The following PTPRZ1 variants were observed in gnomAD, a reference collection of about 807,000 sequenced individuals.
PTPRZ1 encodes receptor-type tyrosine-protein phosphatase zeta.
Under a neutral mutation model 214.1 loss-of-function variants are expected in PTPRZ1, and 82 were observed. The observed-to-expected ratio is 0.38, with a 90% CI of 0.32 to 0.46. PTPRZ1 has a LOEUF of 0.46. Among genes scored for constraint, PTPRZ1 ranks in the 20% least tolerant of loss-of-function variants. The pLI, the probability that PTPRZ1 is intolerant of heterozygous loss-of-function variation, is 1.00. For synonymous variants in PTPRZ1, 945 were observed against 987.9 expected (o/e 0.96, Z 0.81); for missense variants, 2,603 against 2,748.7 (o/e 0.95, Z 1.19).
At chr7:122,047,657 T>TG (rs1792040632) in intron 23 of PTPRZ1, among the ~76,000 whole-genome samples, 1 of 94,262 alleles carries the variant, frequency 1.1e-5, no homozygotes, top group African/African-American at 6.7e-5. Flanking sequence ...CTTTTTTTTT[T>TG]TTTTTCTCTG....
Position 121,873,301 on chromosome 7 carries a change from C to T in PTPRZ1, c.-199C>T. 1.9e-6 allele frequency: 1 copy of T among 535,552 alleles called. No homozygotes were observed. Among genetic ancestry groups the T allele is most frequent in the East Asian group, 3.0e-5 (1 of 33,482 alleles). 33.2% of individuals were successfully genotyped at this position (535,552 alleles called of 1,614,324 possible). A position where few individuals can be genotyped will look rare whatever the true frequency, so the allele number is the denominator to read the frequency against. ...TCTCGCTGTCTCTGACTGTCTCTCT[C>T]TGTCTCTGTCTCTGTCTCTCTCTCT... On this transcript the variant is annotated 5_prime_UTR_variant, in exon 1 of 30. Transcript: ENST00000393386.
chr7:121,930,963 C>A (rs535123662), intron 2 of PTPRZ1, among the ~76,000 whole-genome samples: 4 of 152,162 alleles, frequency 2.6e-5, no homozygotes, highest in Admixed American at 2.6e-4. Context: ...CTTAGTTTTC[C>A]TGGAAAATAT....
intron 2 of PTPRZ1, among the ~76,000 whole-genome samples, chr7:121,936,548 A>G (rs1796090281): frequency 6.6e-6 from 1 of 152,192 alleles, no homozygotes; most frequent in African/African-American, 2.4e-5. Context: ...GCTTTTACAC[A>G]GGTTGTGGAG....
intron 2 of PTPRZ1, among the ~76,000 whole-genome samples, chr7:121,930,875 T>A (rs1002008671): frequency 6.6e-6 from 1 of 152,164 alleles, no homozygotes; most frequent in Non-Finnish European, 1.5e-5. Flanking sequence ...CTAATAATTA[T>A]GAGAAACATG....
At chr7:121,985,478 G>A (rs994721878) in intron 8 of PTPRZ1, among the ~76,000 whole-genome samples, 3 of 152,156 alleles carry the variant, frequency 2.0e-5, no homozygotes, top group Non-Finnish European at 2.9e-5. Flanking sequence ...ACTAGTCTTA[G>A]TGCTTAAGCC....
At chr7:121,981,472 T>G (rs750192955) in intron 6 of PTPRZ1, among the ~76,000 whole-genome samples, 6 of 152,228 alleles carry the variant, frequency 3.9e-5, no homozygotes, top group Non-Finnish European at 7.3e-5. Flanking sequence ...GCAGAGGACT[T>G]GCACTGGGCT....
chr7:121,936,390 G>A (rs780738536), intron 2 of PTPRZ1, among the ~76,000 whole-genome samples: 5 of 152,144 alleles, frequency 3.3e-5, no homozygotes, highest in Non-Finnish European at 7.4e-5. Flanking sequence ...TGTTTATCCT[G>A]TTATCTGTGA....
intron 1 of PTPRZ1, among the ~76,000 whole-genome samples, chr7:121,881,662 GC>G (rs1244121539): frequency 6.6e-6 from 1 of 152,164 alleles, no homozygotes; most frequent in Non-Finnish European, 1.5e-5. Flanking sequence ...GGCAGTTTCA[GC>G]TTCAGAGTAA....
Position 122,044,442 on chromosome 7 carries a change from T to A in PTPRZ1, c.5958T>A (p.His1986Gln), listed in dbSNP as rs1799820361. Reference protein sequence around the residue: ...VQTEEQYVFIHDTLVEAILSK... With the variant: ...VQTEEQYVFIQDTLVEAILSK... ...GCCAGGAGCAATATGTCTTCATTCA[T>A]GATACACTGGTTGAGGCCATACTTA... is the stretch of plus-strand genomic sequence containing the variant. Residue 1986 changes from histidine (H) to glutamine (Q), a missense_variant, in exon 23 of 30, where the codon CAT becomes CAA. Coordinates refer to ENST00000393386, the MANE Select transcript of PTPRZ1 (RefSeq NM_002851.3). The A allele has an allele frequency of 6.2e-7, 1 of 1,613,872 alleles. No homozygotes were observed. The highest frequency in any genetic ancestry group is 8.5e-7 in the Non-Finnish European group (1 of 1,179,768).
At chr7:121,998,309 G>A (rs1798208167) in intron 10 of PTPRZ1, among the ~76,000 whole-genome samples, 1 of 152,106 alleles carries the variant, frequency 6.6e-6, no homozygotes, top group Non-Finnish European at 1.5e-5. Flanking sequence ...TAAATGTTGA[G>A]ACTGTTATTT....
At chr7:121,889,448 A>G (rs1358741173) in intron 1 of PTPRZ1, among the ~76,000 whole-genome samples, 2 of 152,156 alleles carry the variant, frequency 1.3e-5, no homozygotes, top group African/African-American at 4.8e-5. Flanking sequence ...ACAAAATTCA[A>G]TTTTGTTGCA....
intron 25 of PTPRZ1, among the ~76,000 whole-genome samples, chr7:122,053,357 G>A (rs1336836653): frequency 2.0e-5 from 3 of 152,152 alleles, no homozygotes; most frequent in African/African-American, 7.2e-5. Flanking sequence ...AGCCAAGCAG[G>A]CTGTTCTGTA....
chr7:121,970,065 C>T (rs1004379328), intron 3 of PTPRZ1, among the ~76,000 whole-genome samples: 14 of 149,840 alleles, frequency 9.3e-5, no homozygotes, highest in Non-Finnish European at 1.8e-4. Context: ...GGTTTTTTGT[C>T]CTTGCGATAG....
intron 10 of PTPRZ1, among the ~76,000 whole-genome samples, chr7:122,004,336 C>A (rs977920917): frequency 6.6e-6 from 1 of 152,066 alleles, no homozygotes; most frequent in Middle Eastern, 3.4e-3. Flanking sequence ...TAGCTTCAAT[C>A]AGACTTAGGG....
At chr7:121,927,371 A>T (rs1795796398) in intron 1 of PTPRZ1, among the ~76,000 whole-genome samples, 1 of 152,326 alleles carries the variant, frequency 6.6e-6, no homozygotes, top group Non-Finnish European at 1.5e-5. Context: ...AGGAGAATGA[A>T]TCTGAACACT....
At position 122,012,666 on chromosome 7, in the gene PTPRZ1, T is replaced by C. The variant is rs1798711810; in HGVS notation, c.3620T>C (p.Ile1207Thr). Residue 1207 changes from isoleucine to threonine, a missense_variant, in exon 12 of 30, where the codon ATA becomes ACA. By Grantham distance (89) the Ile-to-Thr change is moderately conservative. Transcript: ENST00000393386. ...CTTCCAGCTGTGCCCAGTGATCCAA[T>C]ATTGGTTGAAACCCCCAAAGTTGAT... ...TVLPAVPSDP[I>T]LVETPKVDKI... 6.2e-7 allele frequency: 1 copy of C among 1,613,214 alleles called. No homozygotes were observed. Among genetic ancestry groups the C allele is most frequent in the African/African-American group, 1.3e-5 (1 of 74,910 alleles).
At chr7:122,055,762 A>G (rs1310440310) in intron 27 of PTPRZ1, among the ~76,000 whole-genome samples, 1 of 151,930 alleles carries the variant, frequency 6.6e-6, no homozygotes, top group Non-Finnish European at 1.5e-5. Context: ...AAAAGATACT[A>G]ACAATGATGT....
At chr7:121,990,483 C>T (rs912149313) in intron 8 of PTPRZ1, among the ~76,000 whole-genome samples, 8 of 143,782 alleles carry the variant, frequency 5.6e-5, no homozygotes, top group Non-Finnish European at 1.1e-4. Context: ...ATAGAACCAT[C>T]TGGTCCTGAA....
intron 16 of PTPRZ1, 70 bp from the exon 17 acceptor site, chr7:122,034,212 G>A (rs778576902): frequency 2.3e-5 from 36 of 1,568,788 alleles, no homozygotes; most frequent in South Asian, 4.5e-5. Flanking sequence ...TTTTGTCTTC[G>A]TTATTATATT....
Sources: allele counts gnomAD v4.1 joint callset (sites outside exome capture counted in the v4.1 genomes callset), GRCh38; gene constraint gnomAD v4.1.1; transcripts MANE v1.5; gene names NCBI Gene and HGNC (gene_info 2026-07-23, HGNC 2026-07-21).